GALNT10: variants seen among roughly 807,000 people sequenced by gnomAD.
The protein encoded by GALNT10 is polypeptide N-acetylgalactosaminyltransferase 10, also known as GalNAc transferase 10.
In GALNT10, 41 loss-of-function variants were observed where a neutral mutation model predicts 75.0. That is an observed-to-expected ratio of 0.55 (90% CI 0.43 to 0.71). The LOEUF (loss-of-function observed/expected upper bound fraction) is 0.71, where lower values mean the gene tolerates loss of function less well. GALNT10 is among the 30% of genes least tolerant of loss of function. The pLI, the probability that GALNT10 is intolerant of heterozygous loss-of-function variation, is 0.00. For missense variants in GALNT10, 727 were observed against 818.5 expected, an observed-to-expected ratio of 0.89 and a Z score of 1.36; for synonymous variants, 302 against 313.0, an observed-to-expected ratio of 0.96 and a Z score of 0.37.
chr5:154,403,772 T>C, intron 7 of GALNT10: 1 of 355,104 alleles, frequency 2.8e-6, no homozygotes, highest in Admixed American at 4.4e-5. Flanking sequence ...CTCTGTGACC[T>C]GAGTCACATT....
At chr5:154,311,788 T>G (rs11167668) in intron 3 of GALNT10, among the ~76,000 whole-genome samples, 24,443 of 152,010 alleles carry the variant, frequency 0.16, 2,073 homozygotes, top group Non-Finnish European at 0.19. Flanking sequence ...TTTTTGTATT[T>G]TTAGTAGAGA....
chr5:154,380,604 A>G lies in GALNT10; in HGVS notation c.911A>G (p.Gln304Arg), dbSNP rs2113178293. 1.9e-6 allele frequency: 3 copies of G among 1,613,488 alleles called. No individual in the cohort carries two copies. The highest frequency in any genetic ancestry group is 2.5e-6 in the Non-Finnish European group (3 of 1,179,538). ...YKRIPIPPEL[Q>R]KADPSDPFES... is the part of the protein sequence containing the mutation. ...CGGATCCCGATCCCTCCAGAACTGC[A>G]GAAAGCTGACCCCAGCGACCCATTT... Residue 304 changes from glutamine (Q) to arginine (R), a missense_variant, in exon 6 of 12, where the codon CAG (glutamine) becomes CGG (arginine). Gln to Arg is a conservative substitution (Grantham distance 43). Transcript: ENST00000297107.
At chr5:154,216,305 A>T (rs1752870971) in intron 1 of GALNT10, among the ~76,000 whole-genome samples, 2 of 152,224 alleles carry the variant, frequency 1.3e-5, no homozygotes, top group South Asian at 4.1e-4. Flanking sequence ...TACGTGTTGA[A>T]GGTCACCAGC....
intron 3 of GALNT10, among the ~76,000 whole-genome samples, chr5:154,302,102 T>G (rs929740265): frequency 6.6e-6 from 1 of 152,232 alleles, no homozygotes; most frequent in Non-Finnish European, 1.5e-5. Flanking sequence ...CAGAAATGTG[T>G]GAGTAAATTA....
At chr5:154,364,870 G>A (rs1755452324) in intron 4 of GALNT10, among the ~76,000 whole-genome samples, 1 of 152,194 alleles carries the variant, frequency 6.6e-6, no homozygotes, top group African/African-American at 2.4e-5. Context: ...AGTGAAGTGG[G>A]CTGAGTCCAA....
In GALNT10 at chr5:154,417,489, G is replaced by A. The variant is rs3776996; in HGVS notation, c.*517G>A. On this transcript the variant is annotated 3_prime_UTR_variant, in exon 12 of 12. Transcript: ENST00000297107. The stretch of plus-strand genomic sequence containing the variant: ...TTTTTAGTTTCTGCCGTCCTGGGGG[G>A]AACATTGCAGTTACTGCACAGCTTC... 29,704 of 155,182 alleles carry A rather than the reference G, an allele frequency of 0.19. 3,004 individuals are homozygous for A. Among genetic ancestry groups the A allele is most frequent in the East Asian group, 0.42 (2,164 of 5,200 alleles). 9.6% of individuals were successfully genotyped at this position (155,182 alleles called of 1,614,324 possible). A position where few individuals can be genotyped will look rare whatever the true frequency, so the allele number is the denominator to read the frequency against.
At chr5:154,380,668 C>T (rs761688241) in intron 6 of GALNT10, 37 bp downstream of exon 6, 4 of 1,452,524 alleles carry the variant, frequency 2.8e-6, no homozygotes, top group East Asian at 2.3e-5. Flanking sequence ...CCAGTGGCTA[C>T]CCAGTGACCA....
At chr5:154,408,888 T>TG (rs1756337517) in intron 8 of GALNT10, among the ~76,000 whole-genome samples, 1 of 152,182 alleles carries the variant, frequency 6.6e-6, no homozygotes, top group East Asian at 1.9e-4. Flanking sequence ...AGCTCTAGCT[T>TG]CAGACATGGC....
intron 1 of GALNT10, among the ~76,000 whole-genome samples, chr5:154,192,131 C>T (rs1375747954): frequency 6.6e-6 from 1 of 152,210 alleles, no homozygotes; most frequent in East Asian, 1.9e-4. Context: ...GTTGGCTGGC[C>T]TCGACGAAAG....
At chr5:154,295,399 T>C (rs534788980) in intron 2 of GALNT10, among the ~76,000 whole-genome samples, 30 of 151,602 alleles carry the variant, frequency 2.0e-4, no homozygotes, top group African/African-American at 6.6e-4. Context: ...AGAAGGGGCC[T>C]GTGGCGCTAA....
chr5:154,356,109 CAGAA>C, intron 4 of GALNT10: 1 of 455,982 alleles, frequency 2.2e-6, no homozygotes. Context: ...TCAGTGGAAT[CAGAA>C]AGGTGTCTCC....
chr5:154,195,796 A>G (rs574568620), intron 1 of GALNT10, among the ~76,000 whole-genome samples: 1 of 152,338 alleles, frequency 6.6e-6, no homozygotes, highest in South Asian at 2.1e-4. Flanking sequence ...AGGAGCCAAG[A>G]TTATCACCCC....
chr5:154,311,432 C>G (rs1754516246), intron 3 of GALNT10, among the ~76,000 whole-genome samples: 1 of 152,174 alleles, frequency 6.6e-6, no homozygotes, highest in Admixed American at 6.5e-5. Flanking sequence ...TCACTAGCTC[C>G]ATTTTACAGA....
chr5:154,219,828 T>TCACACACACACA (rs1283000665), intron 1 of GALNT10, among the ~76,000 whole-genome samples: 3 of 76,596 alleles, frequency 3.9e-5, no homozygotes, highest in Non-Finnish European at 1.0e-4. Context: ...TCTCTCTCTC[T>TCACACACACACA]CTCTCTCTCT....
At chr5:154,217,115 A>G (rs1024365985) in intron 1 of GALNT10, among the ~76,000 whole-genome samples, 4 of 152,204 alleles carry the variant, frequency 2.6e-5, no homozygotes, top group Non-Finnish European at 4.4e-5. Flanking sequence ...TGGATGATAA[A>G]TTAGATCATC....
At chr5:154,308,286 G>A (rs1419429190) in intron 3 of GALNT10, among the ~76,000 whole-genome samples, 2 of 152,096 alleles carry the variant, frequency 1.3e-5, no homozygotes, top group East Asian at 3.9e-4. Context: ...GGACTGTGAG[G>A]GAATAGCATC....
chr5:154,230,745 C>CT (rs923807032), intron 1 of GALNT10, among the ~76,000 whole-genome samples: 1 of 152,212 alleles, frequency 6.6e-6, no homozygotes, highest in African/African-American at 2.4e-5. Context: ...CCACAGCATC[C>CT]TTTCCTCCTG....
chr5:154,403,912 C>T, intron 7 of GALNT10, 192 bp from the exon 8 acceptor site: 1 of 660,740 alleles, frequency 1.5e-6, no homozygotes, highest in Non-Finnish European at 2.8e-6. Flanking sequence ...ATGGTAAGCA[C>T]TCAGTGCTGT....
intron 1 of GALNT10, among the ~76,000 whole-genome samples, chr5:154,223,364 C>T (rs1753011707): frequency 6.6e-6 from 1 of 152,198 alleles, no homozygotes; most frequent in Admixed American, 6.5e-5. Flanking sequence ...ACAGCTAGGA[C>T]ATGGGGGACC....
Sources: gnomAD v4.1 joint callset for allele counts (sites outside exome capture counted in the v4.1 genomes callset) on GRCh38, gnomAD v4.1.1 for gene constraint, MANE v1.5 for transcripts, NCBI Gene and HGNC (gene_info 2026-07-23, HGNC 2026-07-21) for gene names.